NLGN1: variants seen among roughly 807,000 people sequenced by gnomAD.
NLGN1 encodes the protein neuroligin 1, also known as neuroligin-1.
A neutral mutation model predicts 65.5 loss-of-function variants in NLGN1; 12 were observed. The ratio of observed to expected loss-of-function variants is 0.18; its 90% CI spans 0.12 to 0.30. NLGN1 has a LOEUF of 0.30. Ranked by LOEUF, NLGN1 falls within the 10% of genes least tolerant of loss-of-function variation. NLGN1 has a pLI of 1.00. For missense variants in NLGN1, 750 were observed against 1,007.1 expected (o/e 0.74, Z 3.46); for synonymous variants, 350 against 359.5 (o/e 0.97, Z 0.30).
At chr3:173,783,508 A>G (rs1781491656) in intron 3 of NLGN1, among the ~76,000 whole-genome samples, 1 of 152,266 alleles carries the variant, frequency 6.6e-6, no homozygotes, top group Non-Finnish European at 1.5e-5. Context: ...AAGATTGTGC[A>G]TAATCCAGAG....
intron 2 of NLGN1, among the ~76,000 whole-genome samples, chr3:173,437,755 T>C (rs1718400687): frequency 6.6e-6 from 1 of 151,994 alleles, no homozygotes; most frequent in Non-Finnish European, 1.5e-5. Context: ...CCTCTGCTGC[T>C]GCCATTACTT....
chr3:174,278,777 T>A (rs1751051608), intron 5 of NLGN1, 84 bp from the exon 6 acceptor site: 1 of 1,126,608 alleles, frequency 8.9e-7, no homozygotes, highest in Non-Finnish European at 1.2e-6. Flanking sequence ...GGTTTTTATA[T>A]ACATGTCTAA....
intron 4 of NLGN1, among the ~76,000 whole-genome samples, chr3:173,998,968 T>C (rs1722777082): frequency 6.6e-6 from 1 of 152,224 alleles, no homozygotes; most frequent in Non-Finnish European, 1.5e-5. Context: ...TCATCTTCAG[T>C]GTCTAAACTC....
At chr3:173,470,313 T>C (rs1008065106) in intron 2 of NLGN1, among the ~76,000 whole-genome samples, 2 of 151,104 alleles carry the variant, frequency 1.3e-5, no homozygotes, top group African/African-American at 4.9e-5. Flanking sequence ...ACTGAACTGC[T>C]TATGATTGCT....
At chr3:173,676,711 T>C (rs572709332) in intron 3 of NLGN1, among the ~76,000 whole-genome samples, 15 of 152,258 alleles carry the variant, frequency 9.9e-5, no homozygotes, top group African/African-American at 3.6e-4. Flanking sequence ...TAAATATCTA[T>C]CTTTAGTCTG....
At chr3:174,107,648 T>A (rs1037715772) in intron 4 of NLGN1, among the ~76,000 whole-genome samples, 41 of 152,270 alleles carry the variant, frequency 2.7e-4, no homozygotes, top group African/African-American at 8.9e-4. Flanking sequence ...GAGAAAAAAA[T>A]TCCCAAAAGT....
chr3:174,260,180 A>G (rs1746598016), intron 4 of NLGN1, among the ~76,000 whole-genome samples: 1 of 151,340 alleles, frequency 6.6e-6, no homozygotes, highest in African/African-American at 2.4e-5. Flanking sequence ...CATGATTTAT[A>G]GTCCTTTGGG....
intron 4 of NLGN1, among the ~76,000 whole-genome samples, chr3:174,164,578 G>A (rs1727157313): frequency 6.6e-6 from 1 of 151,968 alleles, no homozygotes; most frequent in African/African-American, 2.4e-5. Flanking sequence ...TGTGCATATA[G>A]CTTGCAAGCT....
At chr3:174,078,277 A>G (rs1013237079) in intron 4 of NLGN1, among the ~76,000 whole-genome samples, 10 of 152,148 alleles carry the variant, frequency 6.6e-5, no homozygotes, top group African/African-American at 1.9e-4. Context: ...GATGTTTGAA[A>G]ACATCCCATT....
chr3:173,530,403 G>C lies in NLGN1; in HGVS notation c.-320-73876G>C, dbSNP rs1384064128. Among the ~76,000 whole-genome samples, 5 of 152,194 alleles carry C rather than the reference G, an allele frequency of 3.3e-5. No homozygotes were observed. The South Asian group carries it at 1.0e-3, about 32-fold the overall frequency. On this transcript the variant is annotated intron_variant, in intron 2 of 6. Transcript: ENST00000457714. ...TTCTATGTGTTGTCGTCCTGGAAGA[G>C]AGAGGGTGTGGATGAATGAAACAGA... is the stretch of plus-strand genomic sequence containing the variant.
intron 4 of NLGN1, among the ~76,000 whole-genome samples, chr3:174,027,722 A>G (rs1560874349): frequency 6.6e-6 from 1 of 152,150 alleles, no homozygotes. Context: ...TAAAAGCTTA[A>G]TTTTTATAGC....
At chr3:173,740,034 A>C (rs964703795) in intron 3 of NLGN1, among the ~76,000 whole-genome samples, 3 of 152,088 alleles carry the variant, frequency 2.0e-5, no homozygotes, top group African/African-American at 7.2e-5. Flanking sequence ...TTATTTAAAA[A>C]AGAAAGAGTA....
downstream of NLGN1, among the ~76,000 whole-genome samples, chr3:174,288,518 C>G (rs1352097167): frequency 6.6e-6 from 1 of 151,378 alleles, no homozygotes; most frequent in African/African-American, 2.4e-5. Flanking sequence ...TTTATAGCCA[C>G]ACCGTCTTCA....
At chr3:174,245,573 G>A (rs1286904324) in intron 4 of NLGN1, among the ~76,000 whole-genome samples, 1 of 151,916 alleles carries the variant, frequency 6.6e-6, no homozygotes, top group Non-Finnish European at 1.5e-5. Flanking sequence ...AAATAAACCC[G>A]GTGTCTAATT....
chr3:173,674,556 T>G (rs1762874950), intron 3 of NLGN1, among the ~76,000 whole-genome samples: 1 of 152,166 alleles, frequency 6.6e-6, no homozygotes, highest in Admixed American at 6.6e-5. Context: ...GAATATGTTA[T>G]TTAAAGTTAC....
At chr3:174,230,565 T>G (rs972953587) in intron 4 of NLGN1, among the ~76,000 whole-genome samples, 6 of 152,208 alleles carry the variant, frequency 3.9e-5, no homozygotes, top group Admixed American at 6.5e-5. Flanking sequence ...AAAAAAGATT[T>G]ATGCACAAAA....
chr3:173,408,382 A>C (rs1016251405), intron 1 of NLGN1, among the ~76,000 whole-genome samples: 1 of 152,132 alleles, frequency 6.6e-6, no homozygotes, highest in Admixed American at 6.5e-5. Context: ...TAACATTTTT[A>C]AGGTCTGAGG....
At chr3:173,909,146 G>A (rs1739055243) in intron 4 of NLGN1, among the ~76,000 whole-genome samples, 1 of 151,884 alleles carries the variant, frequency 6.6e-6, no homozygotes, top group African/African-American at 2.4e-5. Context: ...TATTCTATTA[G>A]CTAGTCACTA....
At chr3:174,225,458 G>A (rs1005611571) in intron 4 of NLGN1, among the ~76,000 whole-genome samples, 8 of 152,134 alleles carry the variant, frequency 5.3e-5, no homozygotes, top group Non-Finnish European at 8.8e-5. Context: ...CTGGCCGGGC[G>A]CGGTGGCTCA....
Sources: allele counts gnomAD v4.1 joint callset (sites outside exome capture counted in the v4.1 genomes callset), GRCh38; gene constraint gnomAD v4.1.1; transcripts MANE v1.5; gene names NCBI Gene and HGNC (gene_info 2026-07-23, HGNC 2026-07-21).